The following LITAF variants were observed in gnomAD, a reference collection of about 807,000 sequenced individuals.
LITAF encodes the protein lipopolysaccharide induced TNF factor.
A neutral mutation model predicts 14.5 loss-of-function variants in LITAF; 9 were observed. That is an observed-to-expected ratio of 0.62 (90% confidence interval 0.37 to 1.08). LITAF has a LOEUF of 1.08. Among genes scored for constraint, LITAF ranks in the 50% least tolerant of loss-of-function variants. The pLI, the probability that LITAF is intolerant of heterozygous loss-of-function variation, is 0.01. For missense variants in LITAF, 206 were observed against 213.4 expected, an observed-to-expected ratio of 0.97 and a Z score of 0.22; for synonymous variants, 98 against 88.2, an observed-to-expected ratio of 1.11 and a Z score of -0.62.
chr16:11,552,648 G>A (rs531180164), intron 3 of LITAF, among the ~76,000 whole-genome samples: 7 of 152,252 alleles, frequency 4.6e-5, no homozygotes, highest in African/African-American at 1.7e-4. Flanking sequence ...AAGAAAAGAC[G>A]GAAGACCAAT....
chr16:11,575,633 A>T (rs2064619975), intron 1 of LITAF: 2 of 152,430 alleles, frequency 1.3e-5, no homozygotes, highest in South Asian at 4.1e-4. Flanking sequence ...TTCAAAACCG[A>T]GAATACCAAG....
chr16:11,590,140 A>AG (rs1555471351), upstream of LITAF, among the ~76,000 whole-genome samples: 61 of 114,676 alleles, frequency 5.3e-4, 9 homozygotes, highest in Admixed American at 9.4e-4. Flanking sequence ...AAAAAAAAAA[A>AG]AGAGAGAGAG....
chr16:11,600,273 G>A (rs527758038), upstream of LITAF, among the ~76,000 whole-genome samples: 2 of 152,262 alleles, frequency 1.3e-5, no homozygotes, highest in East Asian at 1.9e-4. The surrounding 1 kb of genome is among the most constrained non-coding windows in gnomAD (Gnocchi z 4.1). Flanking sequence ...CACTGCATTC[G>A]GCCACATTTG....
intron 3 of LITAF, among the ~76,000 whole-genome samples, chr16:11,612,200 G>A (rs914737844): frequency 7.2e-5 from 11 of 152,210 alleles, no homozygotes; most frequent in African/African-American, 2.4e-4. Context: ...GCTCAGGACA[G>A]CCAACCATGT....
chr16:11,629,514 G>T (rs1342268381), intron 3 of LITAF, among the ~76,000 whole-genome samples: 1 of 152,098 alleles, frequency 6.6e-6, no homozygotes, highest in African/African-American at 2.4e-5. Context: ...TCCTCGGCCA[G>T]TCGGTCCTTC....
intron 3 of LITAF, among the ~76,000 whole-genome samples, chr16:11,551,018 G>C (rs777562839): frequency 8.5e-5 from 13 of 152,140 alleles, no homozygotes; most frequent in Non-Finnish European, 1.6e-4. Flanking sequence ...ACCAAGTAGA[G>C]TTCCCCAAAT....
intron 3 of LITAF, among the ~76,000 whole-genome samples, chr16:11,611,812 G>A (rs893362384): frequency 4.6e-5 from 7 of 151,960 alleles, no homozygotes; most frequent in African/African-American, 7.3e-5. Flanking sequence ...ACAGGTGTGC[G>A]CCACCATGCC....
At chr16:11,570,937 G>A (rs1361014190) in intron 1 of LITAF, among the ~76,000 whole-genome samples, 1 of 151,916 alleles carries the variant, frequency 6.6e-6, no homozygotes, top group Non-Finnish European at 1.5e-5. Flanking sequence ...GTAGAAAAAG[G>A]AAGCTGTTGG....
chr16:11,601,110 C>G (rs115412767), upstream of LITAF, among the ~76,000 whole-genome samples: 497 of 152,018 alleles, frequency 3.3e-3, 7 homozygotes, highest in African/African-American at 0.011. Flanking sequence ...TCCTGATTCT[C>G]CATCCCCCCA....
chr16:11,574,472 C>T (rs926182265), intron 1 of LITAF, among the ~76,000 whole-genome samples: 2 of 152,198 alleles, frequency 1.3e-5, no homozygotes, highest in African/African-American at 4.8e-5. Context: ...GTCACTTTTA[C>T]ACCCTTGCTG....
At chr16:11,559,296 G>C (rs1353513338) in intron 1 of LITAF, among the ~76,000 whole-genome samples, 2 of 152,084 alleles carry the variant, frequency 1.3e-5, no homozygotes, top group Non-Finnish European at 2.9e-5. Flanking sequence ...GTGAAGAACT[G>C]AATTTTTTTT....
chr16:11,559,783 C>A (rs2064330563), intron 1 of LITAF, among the ~76,000 whole-genome samples: 1 of 147,242 alleles, frequency 6.8e-6, no homozygotes, highest in Non-Finnish European at 1.5e-5. Flanking sequence ...TGGCTTGAGC[C>A]CAGGCATTCT....
intron 3 of LITAF, among the ~76,000 whole-genome samples, chr16:11,611,981 T>C (rs1024639418): frequency 3.3e-5 from 5 of 152,214 alleles, no homozygotes; most frequent in African/African-American, 1.2e-4. Flanking sequence ...TTTCGACTGT[T>C]GTGGGGTCCC....
intron 3 of LITAF, among the ~76,000 whole-genome samples, chr16:11,607,635 G>A (rs955658876): frequency 5.3e-5 from 8 of 151,864 alleles, no homozygotes; most frequent in African/African-American, 1.7e-4. Flanking sequence ...ATCTCTGTAA[G>A]TTACCTCGAA....
chr16:11,567,638 G>T (rs941072525), intron 1 of LITAF, among the ~76,000 whole-genome samples: 4 of 152,104 alleles, frequency 2.6e-5, no homozygotes, highest in Non-Finnish European at 5.9e-5. Context: ...GAGACCCCTT[G>T]TTTGGGCCAG....
At chr16:11,574,702 T>C (rs1375826972) in intron 1 of LITAF, among the ~76,000 whole-genome samples, 2 of 152,136 alleles carry the variant, frequency 1.3e-5, no homozygotes, top group African/African-American at 4.8e-5. Flanking sequence ...TGATTAAAGC[T>C]TCTAATTATT....
At chr16:11,556,797 C>T (rs2099449493) in intron 1 of LITAF, 62 bp from the exon 2 acceptor site, 2 of 1,357,802 alleles carry the variant, frequency 1.5e-6, no homozygotes, top group Non-Finnish European at 1.0e-6. Context: ...CTCTTTTTCA[C>T]CTAAGTCTTC....
At position 11,633,157 on chromosome 16, in the gene LITAF, T is replaced by C. The variant is rs1403402668; in HGVS notation, c.85+376A>G. 5.9e-5 allele frequency among the ~76,000 whole-genome samples: 9 copies of C among 152,212 alleles called. No homozygotes were observed. The East Asian group carries it at 1.7e-3, about 29-fold the overall frequency. ...GCTGGAGGCAAGATGGGTAGACATA[T>C]TCCCAGGGGTGCACCCATCCACACG... is the stretch of plus-strand genomic sequence containing the variant. On this transcript the variant is annotated intron_variant, in intron 3 of 3. Coordinates refer to the LITAF transcript ENST00000574848.
chr16:11,577,243 C>T (rs1261732508), intron 1 of LITAF, among the ~76,000 whole-genome samples: 1 of 152,034 alleles, frequency 6.6e-6, no homozygotes, highest in South Asian at 2.1e-4. Context: ...CAGCTGAGGT[C>T]TCCTGTGCCC....
Sources: gnomAD v4.1 joint callset for allele counts (sites outside exome capture counted in the v4.1 genomes callset) on GRCh38, gnomAD v4.1.1 for gene constraint, Gnocchi (gnomAD v3.1) non-coding constraint, MANE v1.5 for transcripts, NCBI Gene and HGNC (gene_info 2026-07-23, HGNC 2026-07-21) for gene names.